The following WDR72 variants were observed in gnomAD, a reference collection of about 807,000 sequenced individuals.
WDR72 encodes the protein WD repeat-containing protein 72.
WDR72 carries 120 observed loss-of-function variants against 124.2 expected under a neutral mutation model. The observed-to-expected ratio is 0.97, with a 90% CI of 0.83 to 1.12. WDR72 has a LOEUF of 1.12. Among genes scored for constraint, WDR72 ranks in the 50% most tolerant of loss-of-function variants. WDR72 has a pLI of 0.00. For missense variants in WDR72, 1,387 were observed against 1,278.8 expected (o/e 1.08, Z -1.29); for synonymous variants, 452 against 441.7 (o/e 1.02, Z -0.29).
At chr15:53,663,358 T>C (rs2015671427) in intron 14 of WDR72, among the ~76,000 whole-genome samples, 1 of 152,076 alleles carries the variant, frequency 6.6e-6, no homozygotes, top group Non-Finnish European at 1.5e-5. Flanking sequence ...TTTGAAATTG[T>C]AGTCATCTAA....
upstream of WDR72, among the ~76,000 whole-genome samples, chr15:53,762,468 A>G (rs2019077488): frequency 6.6e-6 from 1 of 152,236 alleles, no homozygotes; most frequent in Admixed American, 6.5e-5. Context: ...GACACCAAGC[A>G]CGTAGGAGAT....
In WDR72 at chr15:53,516,285, T is replaced by C. The variant is rs893813408; in HGVS notation, c.*1414A>G. The C allele has an allele frequency of 2.0e-5, 3 of 152,138 alleles. No individual in the cohort carries two copies. Among genetic ancestry groups the C allele is most frequent in the Non-Finnish European group, 4.4e-5 (3 of 68,000 alleles). 9.4% of individuals were successfully genotyped at this position (152,138 alleles called of 1,614,324 possible). A position where few individuals can be genotyped will look rare whatever the true frequency, so the allele number is the denominator to read the frequency against. On this transcript the variant is annotated 3_prime_UTR_variant, in exon 20 of 20. Coordinates refer to ENST00000360509, the MANE Select transcript of WDR72 (RefSeq NM_182758.4). ...GGGAGTCACACTCATTTGACATCTT[T>C]ATCCTGGTATGTTTATTCAGATCAT...
intron 3 of WDR72, among the ~76,000 whole-genome samples, chr15:53,719,338 A>G (rs993131364): frequency 2.0e-5 from 3 of 151,998 alleles, no homozygotes; most frequent in Non-Finnish European, 4.4e-5. Flanking sequence ...GGTTTTCCCT[A>G]GATATTTGTC....
At chr15:53,584,962 G>C (rs2012121658) in intron 18 of WDR72, among the ~76,000 whole-genome samples, 1 of 151,924 alleles carries the variant, frequency 6.6e-6, no homozygotes, top group Admixed American at 6.6e-5. Context: ...ACCTGTGAAA[G>C]AAAAAGGGCA....
At chr15:53,523,135 C>G in intron 19 of WDR72, 83 bp downstream of exon 19, 75 of 1,239,314 alleles carry the variant, frequency 6.1e-5, no homozygotes, top group Middle Eastern at 1.9e-4. Flanking sequence ...TTACAATGTC[C>G]TCTCCCCTCA....
At chr15:53,570,123 T>C (rs1894455116) in intron 18 of WDR72, among the ~76,000 whole-genome samples, 1 of 152,160 alleles carries the variant, frequency 6.6e-6, no homozygotes, top group Non-Finnish European at 1.5e-5. Context: ...TATATACTTT[T>C]TTAAAAGCTA....
chr15:53,549,612 A>T (rs1008194421), intron 18 of WDR72, among the ~76,000 whole-genome samples: 1 of 152,078 alleles, frequency 6.6e-6, no homozygotes, highest in Non-Finnish European at 1.5e-5. Flanking sequence ...ATTTTTTTTT[A>T]AAAGATGAGT....
Position 53,723,441 on chromosome 15 carries a change from G to T in WDR72, c.154-533C>A, listed in dbSNP as rs151280267. Among the ~76,000 whole-genome samples, 19 of 152,204 alleles carry T rather than the reference G, an allele frequency of 1.2e-4. 1 individual carries two copies. Among genetic ancestry groups the T allele is most frequent in the African/African-American group, 4.6e-4 (19 of 41,528 alleles). The stretch of plus-strand genomic sequence containing the variant: ...ACATGGTTCAGGATTCCCACTTCTA[G>T]GTATATACCCAAAGGGAATGAAACC... On this transcript the variant is annotated intron_variant, in intron 2 of 19. Coordinates refer to ENST00000360509, the MANE Select transcript of WDR72 (RefSeq NM_182758.4).
intron 17 of WDR72, among the ~76,000 whole-genome samples, chr15:53,600,319 T>C (rs915909953): frequency 2.0e-5 from 3 of 152,156 alleles, no homozygotes; most frequent in African/African-American, 7.2e-5. Context: ...ATATAAAATG[T>C]TTATATGGCA....
rs76269225 is a variant in WDR72 at position 53,756,978 on chromosome 15, G to A, written c.-13+2655C>T. 8.2e-3 allele frequency among the ~76,000 whole-genome samples: 1,251 copies of A among 152,312 alleles called. 15 individuals are homozygous for A. Among genetic ancestry groups the A allele is most frequent in the African/African-American group, 0.028 (1,177 of 41,564 alleles). ...TGTTCCCCTACAGCAATGATATCTA[G>A]CTCTGTAAATGAAAATTTGCATTTT... On this transcript the variant is annotated intron_variant, in intron 1 of 19. Coordinates refer to ENST00000360509, the MANE Select transcript of WDR72 (RefSeq NM_182758.4).
chr15:53,524,406 T>C (rs969507630), intron 18 of WDR72, among the ~76,000 whole-genome samples: 1 of 152,098 alleles, frequency 6.6e-6, no homozygotes, highest in African/African-American at 2.4e-5. Context: ...TAGACACTGT[T>C]TCTAAACCTC....
intron 18 of WDR72, among the ~76,000 whole-genome samples, chr15:53,532,009 T>C (rs1004778134): frequency 3.9e-5 from 6 of 152,068 alleles, no homozygotes; most frequent in Non-Finnish European, 7.4e-5. Context: ...TGAGTAAAGT[T>C]TGGGAAACAT....
chr15:53,733,631 AAC>A, intron 1 of WDR72, among the ~76,000 whole-genome samples: 1 of 152,198 alleles, frequency 6.6e-6, no homozygotes, highest in East Asian at 1.9e-4. Context: ...TTTCCATAAA[AAC>A]AGTGTTTCCT....
At chr15:53,561,883 C>A (rs1182204393) in intron 18 of WDR72, among the ~76,000 whole-genome samples, 6 of 151,728 alleles carry the variant, frequency 4.0e-5, no homozygotes, top group African/African-American at 7.3e-5. Flanking sequence ...AGAGATGGGA[C>A]CACCACTGTA....
intron 18 of WDR72, among the ~76,000 whole-genome samples, chr15:53,537,573 G>T (rs1892829018): frequency 6.6e-6 from 1 of 152,122 alleles, no homozygotes; most frequent in African/African-American, 2.4e-5. Context: ...TTATAAAATA[G>T]CAATAGTGAT....
chr15:53,712,911 C>A lies in WDR72; in HGVS notation c.592-20G>T. The A allele has an allele frequency of 2.5e-6, 4 of 1,612,066 alleles. No homozygotes were observed. The highest frequency in any genetic ancestry group is 1.1e-5 in the South Asian group (1 of 90,854). On this transcript the variant is annotated intron_variant, in intron 6 of 19. Coordinates refer to ENST00000360509, the MANE Select transcript of WDR72 (RefSeq NM_182758.4). The stretch of plus-strand genomic sequence containing the variant: ...CTTTTCCTTCAAAAGGAAAGAAAAT[C>A]TTTTAGTACTAGTTCCAGGTAATTC...
chr15:53,642,079 T>C (rs1228861184), intron 14 of WDR72, among the ~76,000 whole-genome samples: 4 of 152,016 alleles, frequency 2.6e-5, no homozygotes, highest in Non-Finnish European at 5.9e-5. Context: ...ATATATTTTC[T>C]TGATGTTGAA....
chr15:53,743,945 G>A (rs529130171), intron 1 of WDR72, among the ~76,000 whole-genome samples: 2 of 150,590 alleles, frequency 1.3e-5, no homozygotes, highest in Non-Finnish European at 2.9e-5. Context: ...ACTGCAGCCC[G>A]GCCTGGGCGA....
chr15:53,706,331 C>CAT (rs2017354996), intron 9 of WDR72, among the ~76,000 whole-genome samples: 2 of 51,680 alleles, frequency 3.9e-5, no homozygotes, highest in East Asian at 5.3e-4. Flanking sequence ...GTTATATGTG[C>CAT]GTGTGTGTGT....
Sources: gnomAD v4.1 joint callset for allele counts (sites outside exome capture counted in the v4.1 genomes callset) on GRCh38, gnomAD v4.1.1 for gene constraint, MANE v1.5 for transcripts, NCBI Gene and HGNC (gene_info 2026-07-23, HGNC 2026-07-21) for gene names.